The following LRRC4C variants were observed in gnomAD, a reference collection of about 807,000 sequenced individuals.
LRRC4C encodes the protein leucine-rich repeat-containing protein 4C.
In LRRC4C, 5 loss-of-function variants were observed where a neutral mutation model predicts 33.6. That is an observed-to-expected ratio of 0.15 (90% confidence interval 0.08 to 0.31). LRRC4C has a LOEUF of 0.31. LRRC4C is among the 10% of genes least tolerant of loss of function. The pLI is 1.00. For missense variants in LRRC4C, 560 were observed against 796.7 expected (o/e 0.70, Z 3.58); for synonymous variants, 329 against 302.0 (o/e 1.09, Z -0.93).
chr11:41,166,556 T>C (rs1440095589), intron 1 of LRRC4C, among the ~76,000 whole-genome samples: 2 of 152,250 alleles, frequency 1.3e-5, no homozygotes, highest in African/African-American at 4.8e-5. Context: ...AAACTGTATA[T>C]AGTTTGTGCC....
chr11:40,212,352 G>A (rs933349433), intron 5 of LRRC4C, among the ~76,000 whole-genome samples: 16 of 151,966 alleles, frequency 1.1e-4, no homozygotes, highest in African/African-American at 3.9e-4. Context: ...AATGCTTGTT[G>A]GGGATTTAGG....
intron 2 of LRRC4C, among the ~76,000 whole-genome samples, chr11:40,756,872 T>A (rs1381315777): frequency 6.6e-6 from 1 of 152,056 alleles, no homozygotes; most frequent in Non-Finnish European, 1.5e-5. Flanking sequence ...TTTAGCTTCA[T>A]CCCATTTCTT....
In LRRC4C at chr11:40,987,642, T is replaced by TC. The variant is rs1555029019; in HGVS notation, c.-495-53920_-495-53919insG. 4.4e-4 allele frequency among the ~76,000 whole-genome samples: 26 copies of TC among 59,770 alleles called. 1 individual carries two copies. Among genetic ancestry groups the TC allele is most frequent in the Admixed American group, 2.2e-3 (12 of 5,362 alleles). 39.2% of individuals were successfully genotyped at this position (59,770 alleles called of 152,430 possible). On this transcript the variant is annotated intron_variant, in intron 1 of 6. Coordinates refer to ENST00000528697, the MANE Select transcript of LRRC4C (RefSeq NM_001258419.2). ...ACAAGTGGGTAATGATATATATATA[T>TC]ATATATATATCTCATATATATGAGA...
chr11:40,647,626 C>G (rs1488632437), intron 3 of LRRC4C, among the ~76,000 whole-genome samples: 1 of 152,166 alleles, frequency 6.6e-6, no homozygotes, highest in Non-Finnish European at 1.5e-5. Flanking sequence ...ATGCTGTCAC[C>G]ACATAAAGCT....
chr11:41,436,325 T>TTTGTCATAC (rs1402413163), intron 1 of LRRC4C, among the ~76,000 whole-genome samples: 1 of 152,248 alleles, frequency 6.6e-6, no homozygotes, highest in East Asian at 1.9e-4. Flanking sequence ...TCTGTTAAGA[T>TTTGTCATAC]AAACATACAC....
At chr11:40,317,847 G>A (rs538637309) in intron 4 of LRRC4C, among the ~76,000 whole-genome samples, 27 of 152,166 alleles carry the variant, frequency 1.8e-4, no homozygotes, top group African/African-American at 2.4e-4. Flanking sequence ...GAGAAACCAG[G>A]TTCCTCTTTT....
intron 2 of LRRC4C, among the ~76,000 whole-genome samples, chr11:40,703,329 C>T (rs778138222): frequency 7.2e-5 from 11 of 151,978 alleles, no homozygotes; most frequent in Admixed American, 4.6e-4. Flanking sequence ...GTCAAGTAGC[C>T]GTGAAATTTT....
At chr11:40,652,907 T>C (rs1400908908) in intron 2 of LRRC4C, among the ~76,000 whole-genome samples, 1 of 152,096 alleles carries the variant, frequency 6.6e-6, no homozygotes. Context: ...GTGGAGGTAA[T>C]TGAATCATGG....
At chr11:40,422,192 C>T (rs180823159) in intron 3 of LRRC4C, among the ~76,000 whole-genome samples, 271 of 152,192 alleles carry the variant, frequency 1.8e-3, no homozygotes, top group African/African-American at 6.1e-3. Flanking sequence ...AAGTCCTCAC[C>T]GTAATAACCA....
chr11:41,197,729 T>G (rs1276033683), intron 1 of LRRC4C, among the ~76,000 whole-genome samples: 1 of 152,006 alleles, frequency 6.6e-6, no homozygotes, highest in Non-Finnish European at 1.5e-5. Context: ...GTTACTTCTC[T>G]CAAGATTTAT....
chr11:40,238,679 G>A (rs1282410089), intron 5 of LRRC4C, among the ~76,000 whole-genome samples: 1 of 152,148 alleles, frequency 6.6e-6, no homozygotes, highest in Non-Finnish European at 1.5e-5. Context: ...TTTATCACAT[G>A]AGTTTAAGAG....
intron 1 of LRRC4C, among the ~76,000 whole-genome samples, chr11:41,181,299 C>A (rs147090677): frequency 6.6e-6 from 1 of 152,126 alleles, no homozygotes; most frequent in East Asian, 1.9e-4. Context: ...TTTATAAACA[C>A]CGAATCTGGA....
At chr11:40,691,994 T>C (rs1170487147) in intron 2 of LRRC4C, among the ~76,000 whole-genome samples, 4 of 152,028 alleles carry the variant, frequency 2.6e-5, no homozygotes, top group Non-Finnish European at 5.9e-5. Context: ...TCTTAAACAA[T>C]TGAAGTGACC....
At chr11:40,189,819 T>A (rs932582394) in intron 5 of LRRC4C, among the ~76,000 whole-genome samples, 9 of 152,212 alleles carry the variant, frequency 5.9e-5, no homozygotes, top group African/African-American at 2.2e-4. Context: ...AAAATACAAC[T>A]TTTAAGGATA....
chr11:40,569,577 T>C (rs1957899414), intron 3 of LRRC4C, among the ~76,000 whole-genome samples: 1 of 152,086 alleles, frequency 6.6e-6, no homozygotes, highest in Non-Finnish European at 1.5e-5. Flanking sequence ...TGTATATATA[T>C]ATATTTTAAT....
At chr11:40,350,912 G>A (rs535870779) in intron 3 of LRRC4C, among the ~76,000 whole-genome samples, 72 of 152,066 alleles carry the variant, frequency 4.7e-4, no homozygotes, top group Non-Finnish European at 4.9e-4. Flanking sequence ...GCATGTAGAC[G>A]TGACAGATTT....
chr11:41,126,481 G>A (rs184103330), intron 1 of LRRC4C, among the ~76,000 whole-genome samples: 1 of 151,822 alleles, frequency 6.6e-6, no homozygotes, highest in East Asian at 1.9e-4. Flanking sequence ...TCAGATATAT[G>A]GGGTCTCACC....
chr11:41,348,260 T>C (rs759174788), intron 1 of LRRC4C, among the ~76,000 whole-genome samples: 4 of 152,200 alleles, frequency 2.6e-5, no homozygotes, highest in Non-Finnish European at 5.9e-5. Flanking sequence ...ACAATGTGTT[T>C]ATAAAATAAC....
At chr11:41,071,282 G>GA (rs1419543487) in intron 1 of LRRC4C, among the ~76,000 whole-genome samples, 1 of 151,942 alleles carries the variant, frequency 6.6e-6, no homozygotes, top group Non-Finnish European at 1.5e-5. Context: ...AAAGCATTAG[G>GA]AAAAATACCT....
Sources: allele counts gnomAD v4.1 joint callset (sites outside exome capture counted in the v4.1 genomes callset), GRCh38; gene constraint gnomAD v4.1.1; transcripts MANE v1.5; gene names NCBI Gene and HGNC (gene_info 2026-07-23, HGNC 2026-07-21).